Variants in VANGL1 observed in about 807,000 individuals in gnomAD.
VANGL1 encodes the protein VANGL planar cell polarity protein 1, also known as vang-like protein 1.
Under a neutral mutation model 48.4 loss-of-function variants are expected in VANGL1, and 18 were observed. That is an observed-to-expected ratio of 0.37 (90% CI 0.26 to 0.55). The LOEUF is 0.55. Among genes scored for constraint, VANGL1 ranks in the 20% least tolerant of loss-of-function variants. The pLI is 0.81. For missense variants in VANGL1, 667 were observed against 675.8 expected (o/e 0.99, Z 0.14); for synonymous variants, 257 against 261.8 (o/e 0.98, Z 0.18).
At position 115,694,839 on chromosome 1, in the gene VANGL1, T is replaced by C. The variant is rs1653976159; in HGVS notation, c.*3460T>C. On this transcript the variant is annotated 3_prime_UTR_variant, in exon 8 of 8. Coordinates refer to ENST00000355485, the MANE Select transcript of VANGL1 (RefSeq NM_138959.3). ...GTCAGACATCTTAACATCTGTGTTA[T>C]CTGTAGCAGGTGTGTAGCTCAGCAG... 1 of 152,232 alleles carries C rather than the reference T, an allele frequency of 6.6e-6. No individual in the cohort carries two copies. Among genetic ancestry groups the C allele is most frequent in the African/African-American group, 2.4e-5 (1 of 41,464 alleles). 9.4% of individuals were successfully genotyped at this position (152,232 alleles called of 1,614,324 possible).
rs780165424 is a variant in VANGL1 at position 115,663,856 on chromosome 1, C to A, written c.400C>A (p.Pro134Thr). 5.6e-6 allele frequency: 9 copies of A among 1,614,108 alleles called. No homozygotes were observed. Among genetic ancestry groups the A allele is most frequent in the Non-Finnish European group, 8.5e-7 (1 of 1,180,054 alleles). The part of the protein sequence containing the change: ...FLTPIAFILL[P>T]PILWRDELEP... ...CACCCCTATTGCCTTCATCCTTTTACCTCCGATCCTGTGGAGGGATGAGCT... is the reference window on the plus strand; with the variant it reads ...CACCCCTATTGCCTTCATCCTTTTAACTCCGATCCTGTGGAGGGATGAGCT... The change falls in exon 4 of 8, where the codon CCT becomes ACT. Residue 134 changes from proline to threonine, a missense_variant. Pro to Thr is a conservative substitution (Grantham distance 38, BLOSUM62 -1). Transcript: ENST00000355485.
At position 115,645,432 on chromosome 1, in the gene VANGL1, T is replaced by C. The variant is rs142950336; in HGVS notation, c.-138+3346T>C. Among the ~76,000 whole-genome samples the C allele has an allele frequency of 5.4e-3, 823 of 152,304 alleles. 12 individuals carry two copies. Among genetic ancestry groups the C allele is most frequent in the African/African-American group, 0.018 (761 of 41,542 alleles). On this transcript the variant is annotated intron_variant, in intron 1 of 7. Coordinates refer to ENST00000355485, the MANE Select transcript of VANGL1 (RefSeq NM_138959.3). ...GTGCTAGGCACTGTTCTAATAATTT[T>C]TATGAATTATCTCATTTAATACCTA...
At chr1:115,675,561 A>T (rs1177282778) in intron 4 of VANGL1, among the ~76,000 whole-genome samples, 1 of 152,156 alleles carries the variant, frequency 6.6e-6, no homozygotes, top group African/African-American at 2.4e-5. Context: ...GCACTTTGGG[A>T]GGCCAAGGCA....
rs1652663145 is a variant in VANGL1, at chr1:115,663,813, T to G, written c.357T>G (p.Leu119=). 1 of 1,614,100 alleles carries G rather than the reference T, an allele frequency of 6.2e-7. No individual in the cohort carries two copies. Among genetic ancestry groups the G allele is most frequent in the South Asian group, 1.1e-5 (1 of 91,084 alleles). ...RYLGLTVASF[L]GLLVFLTPIA... is the part of the protein sequence containing the mutation. ...TGGGCCTCACCGTCGCCTCTTTTCT[T>G]GGACTTCTAGTTTTCCTCACCCCTA... Residue 119 remains leucine, a synonymous_variant, in exon 4 of 8, where the codon CTT becomes CTG. Transcript: ENST00000355485.
intron 4 of VANGL1, among the ~76,000 whole-genome samples, chr1:115,675,878 T>A (rs1653142280): frequency 6.6e-6 from 1 of 152,150 alleles, no homozygotes; most frequent in Non-Finnish European, 1.5e-5. Context: ...TTCTTGAATC[T>A]CTGCTTGGGT....
At chr1:115,659,951 G>A (rs566763616) in intron 3 of VANGL1, among the ~76,000 whole-genome samples, 178 bp downstream of exon 3, 25 of 152,292 alleles carry the variant, frequency 1.6e-4, no homozygotes, top group Admixed American at 1.4e-3. Context: ...CTTTGGTAGC[G>A]TGGGGATTCT....
At chr1:115,682,254 A>T in intron 4 of VANGL1, 110 bp from the exon 5 acceptor site, 13 of 1,445,614 alleles carry the variant, frequency 9.0e-6, no homozygotes, top group Non-Finnish European at 1.1e-5. Context: ...TCTGTATGAG[A>T]TTATCTTTGA....
rs370702053 is a variant in VANGL1 at position 115,660,091 on chromosome 1, A to C, written c.204+318A>C. On this transcript the variant is annotated intron_variant, in intron 3 of 7. Transcript: ENST00000355485. Reference sequence around the variant, plus strand: ...TTCAAAATGGAACAGTATAAGGGGGAGAAGGAAACTCAGAAAACCTAAGAA... The same window carrying C: ...TTCAAAATGGAACAGTATAAGGGGGCGAAGGAAACTCAGAAAACCTAAGAA... 9.2e-4 allele frequency among the ~76,000 whole-genome samples: 140 copies of C among 152,308 alleles called. 3 individuals are homozygous for C. In the South Asian group the frequency reaches 0.027, roughly 29 times the overall value.
intron 4 of VANGL1, among the ~76,000 whole-genome samples, chr1:115,682,077 A>G (rs1653412785): frequency 6.6e-6 from 1 of 152,236 alleles, no homozygotes; most frequent in Non-Finnish European, 1.5e-5. Flanking sequence ...CCTAAAGCTA[A>G]ATGTAAGTTA....
chr1:115,682,559 A>T (rs10923177), intron 5 of VANGL1, 62 bp downstream of exon 5: 1 of 1,612,472 alleles, frequency 6.2e-7, no homozygotes, highest in African/African-American at 1.3e-5. Flanking sequence ...ACTATTTAAG[A>T]TTCATGGTAC....
intron 1 of VANGL1, among the ~76,000 whole-genome samples, chr1:115,645,244 T>C (rs1267058511): frequency 1.3e-5 from 2 of 152,176 alleles, no homozygotes; most frequent in Admixed American, 6.5e-5. Context: ...CTATAGCTAA[T>C]AGTAGCAGTT....
chr1:115,685,507 A>G lies in VANGL1; in HGVS notation c.1294A>G (p.Thr432Ala). ...CCTGCAGCACCTGGCCTTCTGCATC[A>G]CCAACGGCATGACCCCCAAGGTGCG... is the stretch of plus-strand genomic sequence containing the variant. The part of the protein sequence containing the change: ...SILQHLAFCI[T>A]NGMTPKAFLE... The change falls in exon 7 of 8, where the codon ACC becomes GCC. Residue 432 changes from threonine to alanine, a missense_variant. Physicochemically the swap from Thr to Ala is moderately conservative, Grantham distance 58. Transcript: ENST00000355485. 1 of 1,614,030 alleles carries G rather than the reference A, an allele frequency of 6.2e-7. No homozygotes were observed. Among genetic ancestry groups the G allele is most frequent in the Non-Finnish European group, 8.5e-7 (1 of 1,180,022 alleles).
intron 7 of VANGL1, among the ~76,000 whole-genome samples, chr1:115,688,059 A>G (rs1282280522): frequency 7.3e-6 from 1 of 136,196 alleles, no homozygotes; most frequent in African/African-American, 2.8e-5. Flanking sequence ...ATATATTATC[A>G]TTCATAGATA....
At chr1:115,668,341 A>G (rs1362405449) in intron 4 of VANGL1, among the ~76,000 whole-genome samples, 1 of 152,214 alleles carries the variant, frequency 6.6e-6, no homozygotes, top group Non-Finnish European at 1.5e-5. Flanking sequence ...CACTTAACAC[A>G]GAGCTTAGGG....
At chr1:115,651,085 G>C (rs572981277) in intron 1 of VANGL1, among the ~76,000 whole-genome samples, 192 bp from the exon 2 acceptor site, 1 of 152,036 alleles carries the variant, frequency 6.6e-6, no homozygotes, top group Non-Finnish European at 1.5e-5. Flanking sequence ...CGCCTATCCT[G>C]TCTCCCTCCC....
At chr1:115,670,248 A>G (rs1373766549) in intron 4 of VANGL1, among the ~76,000 whole-genome samples, 1 of 152,218 alleles carries the variant, frequency 6.6e-6, no homozygotes, top group African/African-American at 2.4e-5. Flanking sequence ...AACTGTAAGA[A>G]AATAAATTTC....
intron 3 of VANGL1, 108 bp from the exon 4 acceptor site, chr1:115,663,553 T>G (rs1414217893): frequency 2.0e-6 from 3 of 1,483,400 alleles, no homozygotes; most frequent in African/African-American, 1.4e-5. Context: ...TCTGGAAGCC[T>G]TTGTGAATAG....
At chr1:115,665,075 A>G (rs1207104106) in intron 4 of VANGL1, among the ~76,000 whole-genome samples, 2 of 152,188 alleles carry the variant, frequency 1.3e-5, no homozygotes, top group Non-Finnish European at 2.9e-5. Flanking sequence ...CTCATTTAGG[A>G]TTCACTCAGA....
At chr1:115,666,264 A>G (rs1652782314) in intron 4 of VANGL1, among the ~76,000 whole-genome samples, 2 of 152,156 alleles carry the variant, frequency 1.3e-5, no homozygotes, top group Admixed American at 6.5e-5. Context: ...TCTTCTCACC[A>G]TAGGTCATGC....
Sources: gnomAD v4.1 joint callset for allele counts (sites outside exome capture counted in the v4.1 genomes callset) on GRCh38, gnomAD v4.1.1 for gene constraint, MANE v1.5 for transcripts, NCBI Gene and HGNC (gene_info 2026-07-23, HGNC 2026-07-21) for gene names.